The following ZAP70 variants were observed in gnomAD, a reference collection of about 807,000 sequenced individuals.
ZAP70 encodes the protein tyrosine-protein kinase ZAP-70.
A neutral mutation model predicts 65.8 loss-of-function variants in ZAP70; 27 were observed. That is an observed-to-expected ratio of 0.41 (90% confidence interval 0.30 to 0.57). The LOEUF (loss-of-function observed/expected upper bound fraction) is 0.57. ZAP70 is among the 20% of genes least tolerant of loss of function. The pLI, the probability that ZAP70 is intolerant of heterozygous loss-of-function variation, is 0.28. For missense variants in ZAP70, 696 were observed against 870.5 expected, an observed-to-expected ratio of 0.80 and a Z score of 2.52; for synonymous variants, 363 against 360.8, an observed-to-expected ratio of 1.01 and a Z score of -0.07.
the ZAP70 span, among the ~76,000 whole-genome samples, chr2:97,750,434 A>G: frequency 6.6e-6 from 1 of 152,354 alleles, no homozygotes; most frequent in East Asian, 1.9e-4. Flanking sequence ...AGAGTGTCTA[A>G]TGAACGCAGT....
In ZAP70 at chr2:97,724,083, C is replaced by T. The variant is rs1342560587; in HGVS notation, c.47C>T (p.Ser16Leu). Residue 16 changes from serine to leucine, a missense_variant, in exon 3 of 14, where the codon TCG becomes TTG. This residue lies in a region of ZAP70 where 551 missense variants were observed against 630.0 expected (regional missense o/e 0.87). Coordinates refer to ENST00000264972, the MANE Select transcript of ZAP70 (RefSeq NM_001079.4). ...CTGCCCTTCTTCTACGGCAGCATCT[C>T]GCGTGCCGAGGCCGAGGAGCACCTG... Reference protein sequence around the residue: ...AHLPFFYGSISRAEAEEHLKL... With the variant: ...AHLPFFYGSILRAEAEEHLKL... 2 of 1,559,754 alleles carry T rather than the reference C, an allele frequency of 1.3e-6. No individual in the cohort carries two copies. Among genetic ancestry groups the T allele is most frequent in the Non-Finnish European group, 1.7e-6 (2 of 1,156,774 alleles).
the ZAP70 span, among the ~76,000 whole-genome samples, chr2:97,749,349 G>A: frequency 6.6e-6 from 1 of 152,136 alleles, no homozygotes; most frequent in Non-Finnish European, 1.5e-5. Flanking sequence ...CTAATAGCAC[G>A]CATAGTGCGC....
the ZAP70 span, among the ~76,000 whole-genome samples, chr2:97,755,715 G>GTCT: frequency 6.6e-6 from 1 of 151,840 alleles, no homozygotes; most frequent in East Asian, 2.0e-4. Context: ...AGTCCCTGCT[G>GTCT]TCTTCCCTCT....
chr2:97,735,144 G>A (rs1677808405), intron 9 of ZAP70, 106 bp from the exon 10 acceptor site: 1 of 1,420,398 alleles, frequency 7.0e-7, no homozygotes, highest in Admixed American at 1.8e-5. Flanking sequence ...GACTACAGTT[G>A]TCTACCACAC....
chr2:97,743,396 C>T (rs144255690), downstream of ZAP70, among the ~76,000 whole-genome samples: 1,031 of 152,312 alleles, frequency 6.8e-3, 22 homozygotes, highest in East Asian at 0.033. Flanking sequence ...AGTGCAATGG[C>T]GCGATCTTGG....
At chr2:97,720,803 C>T (rs542521786) in intron 2 of ZAP70, among the ~76,000 whole-genome samples, 99 of 152,320 alleles carry the variant, frequency 6.5e-4, no homozygotes, top group Non-Finnish European at 1.2e-3. Flanking sequence ...CCCTCCCAAC[C>T]TCACTGTCAC....
intron 4 of ZAP70, 129 bp from the exon 5 acceptor site, chr2:97,732,754 C>G: frequency 7.2e-7 from 1 of 1,397,344 alleles, no homozygotes; most frequent in Non-Finnish European, 9.8e-7. Flanking sequence ...CCTGGCTTCC[C>G]CAGTCCCTGC....
chr2:97,750,448 T>C, the ZAP70 span, among the ~76,000 whole-genome samples: 1 of 152,208 alleles, frequency 6.6e-6, no homozygotes, highest in East Asian at 1.9e-4. Flanking sequence ...ACGCAGTCTA[T>C]AGTTACACCA....
intron 2 of ZAP70, among the ~76,000 whole-genome samples, chr2:97,717,683 G>T (rs1001546524): frequency 6.6e-5 from 10 of 152,246 alleles, no homozygotes; most frequent in African/African-American, 2.2e-4. Flanking sequence ...ATTAAGTGAC[G>T]CTGAAAGAGG....
the ZAP70 span, among the ~76,000 whole-genome samples, chr2:97,754,957 G>T: frequency 1.2e-4 from 18 of 152,208 alleles, no homozygotes; most frequent in East Asian, 3.8e-4. Flanking sequence ...AATGAGACTT[G>T]TTCTGTGAGC....
chr2:97,733,201 G>C lies in ZAP70; in HGVS notation c.779G>C (p.Ser260Thr), dbSNP rs769148384. ...LKEACPNSSASNASGAAAPTL... is the reference protein window; with the variant it reads ...LKEACPNSSATNASGAAAPTL... ...GAGGCCTGCCCCAACAGCAGTGCCA[G>C]CAACGCCTCAGGTGACGGCAGCAGG... The change falls in exon 6 of 14, where the codon AGC (serine) becomes ACC (threonine). Residue 260 changes from serine (S) to threonine (T), a missense_variant. Physicochemically the swap from Ser to Thr is moderately conservative, Grantham distance 58. Around this residue, in one of 3 missense-constraint regions of ZAP70, gnomAD observed 551 missense variants for 630.0 expected, o/e 0.87. Transcript: ENST00000264972. 3.1e-6 allele frequency: 5 copies of C among 1,613,484 alleles called. No homozygotes were observed. In the East Asian group the frequency reaches 8.9e-5, roughly 29 times the overall value.
Position 97,737,398 on chromosome 2 carries a change from T to C in ZAP70, c.1290-75T>C. The stretch of plus-strand genomic sequence containing the variant: ...GTCACCTGGCTCATGCCCAGCTGGG[T>C]CAGAGAAGCATGCTTTGCCCCTGGG... On this transcript the variant is annotated intron_variant, in intron 10 of 13. Coordinates refer to ENST00000264972, the MANE Select transcript of ZAP70 (RefSeq NM_001079.4). The surrounding 1 kb of genome is among the most constrained non-coding windows in gnomAD (Gnocchi z 5.0). 1.3e-6 allele frequency: 2 copies of C among 1,528,738 alleles called. No homozygotes were observed. Among genetic ancestry groups the C allele is most frequent in the Non-Finnish European group, 1.8e-6 (2 of 1,104,814 alleles). 94.7% of individuals were successfully genotyped at this position (1,528,738 alleles called of 1,614,324 possible). A position where few individuals can be genotyped will look rare whatever the true frequency, so the allele number is the denominator to read the frequency against.
chr2:97,730,895 A>C (rs753594320), intron 4 of ZAP70, among the ~76,000 whole-genome samples: 1 of 151,928 alleles, frequency 6.6e-6, no homozygotes, highest in Non-Finnish European at 1.5e-5. Flanking sequence ...CTCTACTAAA[A>C]ATACAAAAAA....
At chr2:97,738,819 A>T (rs1177889606) in intron 13 of ZAP70, among the ~76,000 whole-genome samples, 2 of 152,048 alleles carry the variant, frequency 1.3e-5, no homozygotes, top group African/African-American at 2.4e-5. Context: ...CTCCATCAGG[A>T]AACACCCAGG....
the ZAP70 span, among the ~76,000 whole-genome samples, chr2:97,747,815 GTTTT>G: frequency 7.3e-5 from 4 of 54,788 alleles, no homozygotes; most frequent in African/African-American, 2.6e-4. Flanking sequence ...CTGGCACGAG[GTTTT>G]TTTTTTTTTT....
chr2:97,735,203 G>T (rs1374342790), intron 9 of ZAP70, 47 bp from the exon 10 acceptor site: 8 of 1,609,986 alleles, frequency 5.0e-6, no homozygotes, highest in Non-Finnish European at 5.1e-6. Context: ...GGGCCGAGCA[G>T]GGCCGGTGCC....
intron 4 of ZAP70, 99 bp downstream of exon 4, chr2:97,725,351 G>A: frequency 6.8e-7 from 1 of 1,469,250 alleles, no homozygotes; most frequent in Non-Finnish European, 9.4e-7. Context: ...GGGCCGTAAG[G>A]GTGTCCCTGT....
At chr2:97,726,915 G>T (rs1335434945) in intron 4 of ZAP70, among the ~76,000 whole-genome samples, 1 of 152,238 alleles carries the variant, frequency 6.6e-6, no homozygotes, top group Non-Finnish European at 1.5e-5. Context: ...ACAGTTTATT[G>T]CTCTTCATGA....
rs997511756 is a variant in ZAP70 at position 97,731,085 on chromosome 2, G to C, written c.564-1798G>C. On this transcript the variant is annotated intron_variant, in intron 4 of 13. Transcript: ENST00000264972. The surrounding 1 kb of genome is among the most constrained non-coding windows in gnomAD (Gnocchi z 4.0). ...AAAAAAAAAAAAAAAAGAGACAGAG[G>C]AGGGGAGATGGGAGGTTTGCTGTTT... Among the ~76,000 whole-genome samples, 2 of 151,756 alleles carry C rather than the reference G, an allele frequency of 1.3e-5. No individual in the cohort carries two copies. The highest frequency in any genetic ancestry group is 2.4e-5 in the African/African-American group (1 of 41,306).
Sources: allele counts gnomAD v4.1 joint callset (sites outside exome capture counted in the v4.1 genomes callset), GRCh38; gene constraint gnomAD v4.1.1; regional missense constraint gnomAD v4.1.1; non-coding constraint Gnocchi (gnomAD v3.1); transcripts MANE v1.5; gene names NCBI Gene and HGNC (gene_info 2026-07-23, HGNC 2026-07-21).